SS18: variants seen among roughly 807,000 people sequenced by gnomAD.
The protein encoded by SS18 is SS18 subunit of BAF chromatin remodeling complex.
Under a neutral mutation model 72.5 loss-of-function variants are expected in SS18, and 28 were observed. The observed-to-expected ratio is 0.39, with a 90% CI of 0.29 to 0.53. The LOEUF is 0.53. Ranked by LOEUF, SS18 falls within the 20% of genes least tolerant of loss-of-function variation. SS18 has a pLI of 0.76. For synonymous variants in SS18, 172 were observed against 164.2 expected (o/e 1.05, Z -0.37); for missense variants, 518 against 535.3 (o/e 0.97, Z 0.32).
At chr18:26,044,174 C>T (rs1221341030) in intron 5 of SS18, among the ~76,000 whole-genome samples, 1 of 152,104 alleles carries the variant, frequency 6.6e-6, no homozygotes, top group Non-Finnish European at 1.5e-5. Flanking sequence ...TAATTAAACA[C>T]ATATTTTTTA....
At chr18:26,090,425 GCCCGGCCCTTCC>G in intron 1 of SS18, 64 bp downstream of exon 1, 1 of 1,461,216 alleles carries the variant, frequency 6.8e-7, no homozygotes, top group Non-Finnish European at 9.4e-7. Flanking sequence ...TCGACTCCGG[GCCCGGCCCTTCC>G]CCCCGCGTCT....
Position 26,057,687 on chromosome 18 carries a change from G to T in SS18, c.287C>A (p.Pro96His), listed in dbSNP as rs1380886817. Residue 96 changes from proline (P) to histidine (H), a missense_variant, in exon 4 of 11, where the codon CCC becomes CAC. Pro to His is a moderately conservative substitution (Grantham distance 77). Transcript: ENST00000415083. ...GPGGMNQSGP[P>H]PPPRSHNMPS... ...CATGTTGTGAGAGCGTGGAGGTGGG[G>T]GAGGGCCGCTCTGATTCATCCCTCC... The T allele has an allele frequency of 6.2e-7, 1 of 1,614,110 alleles. No individual in the cohort carries two copies. The highest frequency in any genetic ancestry group is 8.5e-7 in the Non-Finnish European group (1 of 1,180,012).
At chr18:26,082,926 T>C (rs1356480084) in intron 2 of SS18, among the ~76,000 whole-genome samples, 3 of 151,640 alleles carry the variant, frequency 2.0e-5, no homozygotes, top group Non-Finnish European at 2.9e-5. Context: ...TCTTAAGGAG[T>C]TGTTAATTTA....
chr18:26,042,654 ATTTTCTTTT>A (rs2053750252), intron 5 of SS18, among the ~76,000 whole-genome samples: 1 of 151,014 alleles, frequency 6.6e-6, no homozygotes, highest in Admixed American at 6.6e-5. Context: ...AAAAAAAAGA[ATTTTCTTTT>A]GAAGAGTAAG....
chr18:26,047,199 G>C (rs1405558300), intron 5 of SS18, among the ~76,000 whole-genome samples: 4 of 147,548 alleles, frequency 2.7e-5, no homozygotes, highest in South Asian at 2.1e-4. Flanking sequence ...GTTTCTGTTA[G>C]CGCCTGGCAC....
chr18:26,082,362 C>T (rs1002241462), intron 2 of SS18: 3 of 937,034 alleles, frequency 3.2e-6, no homozygotes, highest in African/African-American at 3.5e-5. Flanking sequence ...ATAAACCTTA[C>T]CTAGAAGCTA....
intron 3 of SS18, among the ~76,000 whole-genome samples, chr18:26,062,755 A>ATAGC (rs1219317500): frequency 6.6e-6 from 1 of 152,224 alleles, no homozygotes; most frequent in African/African-American, 2.4e-5. Context: ...TTAATACTGA[A>ATAGC]TAGCTGGCTT....
chr18:26,065,161 T>C (rs1467958391), intron 3 of SS18, among the ~76,000 whole-genome samples: 4 of 152,158 alleles, frequency 2.6e-5, no homozygotes, highest in East Asian at 1.9e-4. Context: ...TTCCCTGATG[T>C]TGACCTCAAG....
chr18:26,039,358 C>T lies in SS18; in HGVS notation c.706G>A (p.Gly236Ser), dbSNP rs766084836. ...QGQQPPMGMM[G>S]QVNQGNHMMG... ...ATATGATTGCCTTGGTTAACTTGACCCATCATTCCCATAGGTGGCTGCTGT... is the reference window on the plus strand; with the variant it reads ...ATATGATTGCCTTGGTTAACTTGACTCATCATTCCCATAGGTGGCTGCTGT... Residue 236 changes from glycine to serine, a missense_variant, in exon 6 of 11, where the codon GGT (glycine) becomes AGT (serine). Transcript: ENST00000415083. 3.1e-6 allele frequency: 5 copies of T among 1,613,760 alleles called. No individual in the cohort carries two copies. The South Asian group carries it at 5.5e-5, about 18-fold the overall frequency.
chr18:26,090,201 GCGCACGCGCC>G, intron 1 of SS18: 1 of 439,396 alleles, frequency 2.3e-6, no homozygotes, highest in South Asian at 3.1e-5. Context: ...CCGCCGCCGG[GCGCACGCGCC>G]CCGCAGCCCG....
intron 4 of SS18, among the ~76,000 whole-genome samples, chr18:26,055,722 C>T (rs912042190): frequency 1.3e-5 from 2 of 151,166 alleles, no homozygotes; most frequent in African/African-American, 4.9e-5. Context: ...ACTGTAACTC[C>T]GTAACTATTG....
At chr18:26,070,506 T>C (rs1320852115) in intron 3 of SS18, among the ~76,000 whole-genome samples, 1 of 152,194 alleles carries the variant, frequency 6.6e-6, no homozygotes, top group Non-Finnish European at 1.5e-5. Flanking sequence ...AGTTCCCTTA[T>C]AAAGTTATAA....
intron 10 of SS18, among the ~76,000 whole-genome samples, chr18:26,025,568 T>C (rs560626938): frequency 6.6e-6 from 1 of 152,048 alleles, no homozygotes; most frequent in East Asian, 1.9e-4. Flanking sequence ...TGAGCGATGA[T>C]AAAGAAATTA....
At chr18:26,033,103 T>A (rs919795150) in intron 9 of SS18, among the ~76,000 whole-genome samples, 1 of 152,194 alleles carries the variant, frequency 6.6e-6, no homozygotes, top group Non-Finnish European at 1.5e-5. Context: ...AAAACTTGAT[T>A]CAAAAGTCAC....
At chr18:26,023,890 A>C (rs577260311) in intron 10 of SS18, among the ~76,000 whole-genome samples, 2 of 151,574 alleles carry the variant, frequency 1.3e-5, no homozygotes, top group Admixed American at 6.5e-5. Context: ...TTTTAGACAA[A>C]AATAAATTCA....
chr18:26,041,919 T>C (rs1224974021), intron 5 of SS18, among the ~76,000 whole-genome samples: 1 of 152,178 alleles, frequency 6.6e-6, no homozygotes, highest in African/African-American at 2.4e-5. Flanking sequence ...CTTCTTTTAC[T>C]GTCACTTCTC....
rs898507579 is a variant in SS18, at chr18:26,032,142, GGAGA to G, written c.1230+253_1230+256del. Among the ~76,000 whole-genome samples, 9 of 151,866 alleles carry G rather than the reference GGAGA, an allele frequency of 5.9e-5. No homozygotes were observed. The East Asian group carries it at 9.6e-4, about 16-fold the overall frequency. On this transcript the variant is annotated intron_variant, in intron 10 of 10. Coordinates refer to ENST00000415083, the MANE Select transcript of SS18 (RefSeq NM_001007559.3). Reference sequence around the variant, plus strand: ...GGGTAAAGACCACAGAGCAAGAGGGGGAGAGAGAGAGACAGAATATATATGTTGT... The same window carrying G: ...GGGTAAAGACCACAGAGCAAGAGGGGGAGAGAGACAGAATATATATGTTGT...
chr18:26,087,780 A>T (rs150969849), intron 1 of SS18, among the ~76,000 whole-genome samples: 1 of 152,274 alleles, frequency 6.6e-6, no homozygotes, highest in Non-Finnish European at 1.5e-5. Context: ...AAAAAAACAA[A>T]ATTTCCTTAA....
intron 9 of SS18, 39 bp downstream of exon 9, chr18:26,034,966 A>AT (rs757027946): frequency 1.8e-5 from 29 of 1,583,318 alleles, no homozygotes; most frequent in Non-Finnish European, 2.3e-5. Flanking sequence ...CAATCAGCAC[A>AT]TTTTTTTGGT....
Sources: allele counts gnomAD v4.1 joint callset (sites outside exome capture counted in the v4.1 genomes callset), GRCh38; gene constraint gnomAD v4.1.1; transcripts MANE v1.5; gene names NCBI Gene and HGNC (gene_info 2026-07-23, HGNC 2026-07-21).